SHC1: variants seen among roughly 807,000 people sequenced by gnomAD.
SHC1 encodes the protein SHC adaptor protein 1, also known as SHC-transforming protein 1.
SHC1 carries 30 observed loss-of-function variants against 55.9 expected under a neutral mutation model. The ratio of observed to expected loss-of-function variants is 0.54; its 90% CI spans 0.40 to 0.73. SHC1 has a LOEUF of 0.73. Ranked by LOEUF, SHC1 falls within the 30% of genes least tolerant of loss-of-function variation. The pLI is 0.00. For synonymous variants in SHC1, 309 were observed against 306.1 expected (o/e 1.01, Z -0.10); for missense variants, 675 against 777.1 (o/e 0.87, Z 1.56).
At chr1:154,966,606 G>A in intron 7 of SHC1, 89 bp from the exon 8 acceptor site, 1 of 880,444 alleles carries the variant, frequency 1.1e-6, no homozygotes, top group South Asian at 1.8e-5. Context: ...CATCTATTGG[G>A]TATTTACTAT....
In SHC1 at chr1:154,963,523, T is replaced by C; in HGVS notation, c.*280A>G. 5.9e-6 allele frequency: 2 copies of C among 337,842 alleles called. No homozygotes were observed. Among genetic ancestry groups the C allele is most frequent in the Non-Finnish European group, 5.6e-6 (1 of 178,220 alleles). 20.9% of individuals were successfully genotyped at this position (337,842 alleles called of 1,614,324 possible). ...TTTTCCATGACAAGCACTCACCTTC[T>C]TGGGGAAGGGGCATCAGGTTGGCAC... is the stretch of plus-strand genomic sequence containing the variant. On this transcript the variant is annotated 3_prime_UTR_variant, in exon 12 of 12. Transcript: ENST00000448116.
In SHC1 at chr1:154,968,786, C is replaced by T. The variant is rs756066298; in HGVS notation, c.615G>A (p.Ala205=). The change falls in exon 3 of 12, where the codon GCG becomes GCA. Residue 205 remains alanine, a synonymous_variant. Transcript: ENST00000448116. ...CCCCAAGTACCTTTCTCCTCCTTGTCGCCCCCTTAGCACCCGGCACAGCCT... is the reference window on the plus strand; with the variant it reads ...CCCCAAGTACCTTTCTCCTCCTTGTTGCCCCCTTAGCACCCGGCACAGCCT... ...VCEAVPGAKG[A]TRRRKPCSRP... The T allele has an allele frequency of 1.5e-5, 24 of 1,613,738 alleles. No individual in the cohort carries two copies. The highest frequency in any genetic ancestry group is 1.6e-4 in the Middle Eastern group (1 of 6,062).
intron 8 of SHC1, 36 bp from the exon 9 acceptor site, chr1:154,966,267 TA>T: frequency 6.2e-7 from 1 of 1,612,120 alleles, no homozygotes; most frequent in Non-Finnish European, 8.5e-7. Flanking sequence ...CCAGAAGCCC[TA>T]ACCAACCACT....
rs1484525566 is a variant in SHC1 at position 154,970,364 on chromosome 1, G to T, written c.163C>A (p.Pro55Thr). The change falls in exon 1 of 12, where the codon CCC becomes ACC. Residue 55 changes from proline (P) to threonine (T), a missense_variant. Transcript: ENST00000448116. This position sits in a 1 kb window ranked among gnomAD's most constrained non-coding sequence, Gnocchi z 5.5. ...GGGAAGAAGGAGCACAGGGTAGTGGGACTATCGTCCCCAGGCAGAGGAGGC... is the reference window on the plus strand; with the variant it reads ...GGGAAGAAGGAGCACAGGGTAGTGGTACTATCGTCCCCAGGCAGAGGAGGC... Reference protein sequence around the residue: ...ILPPLPGDDSPTTLCSFFPRM... With the variant: ...ILPPLPGDDSTTTLCSFFPRM... 1.2e-6 allele frequency: 2 copies of T among 1,605,524 alleles called. No homozygotes were observed. Among genetic ancestry groups the T allele is most frequent in the Non-Finnish European group, 1.7e-6 (2 of 1,176,146 alleles).
Position 154,970,413 on chromosome 1 carries a change from T to C in SHC1, c.114A>G (p.Ser38=). Residue 38 remains serine, a synonymous_variant, in exon 1 of 12, where the codon TCA becomes TCG. Transcript: ENST00000448116. This position sits in a 1 kb window ranked among gnomAD's most constrained non-coding sequence, Gnocchi z 5.5. ...STPPEELPSP[S]ASSLGPILPP... Reference sequence around the variant, plus strand: ...GCAGGATGGGCCCCAGGGATGAAGCTGATGGGGAAGGCAGCTCCTCCGGGG... The same window carrying C: ...GCAGGATGGGCCCCAGGGATGAAGCCGATGGGGAAGGCAGCTCCTCCGGGG... 3 of 1,605,604 alleles carry C rather than the reference T, an allele frequency of 1.9e-6. No homozygotes were observed. Among genetic ancestry groups the C allele is most frequent in the Non-Finnish European group, 2.6e-6 (3 of 1,176,400 alleles).
chr1:154,966,957 T>TAGTA (rs1394192180), intron 7 of SHC1, among the ~76,000 whole-genome samples: 1 of 152,076 alleles, frequency 6.6e-6, no homozygotes, highest in Non-Finnish European at 1.5e-5. Flanking sequence ...AAAATACTAC[T>TAGTA]ACTCAGCCAG....
intron 7 of SHC1, 39 bp from the exon 8 acceptor site, chr1:154,966,556 T>G (rs1392652941): frequency 2.8e-6 from 4 of 1,420,686 alleles, no homozygotes; most frequent in Non-Finnish European, 3.8e-6. Flanking sequence ...TGTAAATGTG[T>G]GGTGGGCAGG....
chr1:154,970,115 C>T lies in SHC1; in HGVS notation c.412G>A (p.Gly138Arg), dbSNP rs1656555250. The change falls in exon 1 of 12, where the codon GGG becomes AGG. Residue 138 changes from glycine (G) to arginine (R), a missense_variant. By Grantham distance (125) the Gly-to-Arg change is moderately radical (BLOSUM62 -2). Transcript: ENST00000448116. This position sits in a 1 kb window ranked among gnomAD's most constrained non-coding sequence, Gnocchi z 5.5. ...QLGGEEWTRHGSFVNKPTRGW... is the reference protein window; with the variant it reads ...QLGGEEWTRHRSFVNKPTRGW... ...CGCGTGGGCTTATTGACAAAGCTCC[C>T]GTGGCGGGTCCACTCCTCGCCCCCA... 1 of 1,613,588 alleles carries T rather than the reference C, an allele frequency of 6.2e-7. No individual in the cohort carries two copies. Among genetic ancestry groups the T allele is most frequent in the East Asian group, 2.2e-5 (1 of 44,882 alleles).
chr1:154,970,347 G>A lies in SHC1; in HGVS notation c.180C>T (p.Ser60=), dbSNP rs111554682. 5.3e-5 allele frequency: 85 copies of A among 1,606,148 alleles called. No individual in the cohort carries two copies. In the African/African-American group the frequency reaches 1.0e-3, roughly 19 times the overall value. The change falls in exon 1 of 12, where the codon TCC becomes TCT. Residue 60 remains serine (S), a synonymous_variant. Coordinates refer to ENST00000448116, the MANE Select transcript of SHC1 (RefSeq NM_001130040.2). This position sits in a 1 kb window ranked among gnomAD's most constrained non-coding sequence, Gnocchi z 5.5. The stretch of plus-strand genomic sequence containing the variant: ...TCAGGTTGCTCATCCGGGGGAAGAA[G>A]GAGCACAGGGTAGTGGGACTATCGT... The part of the protein sequence containing the change: ...PGDDSPTTLC[S]FFPRMSNLRL...
At chr1:154,970,765 G>A, upstream of SHC1, 1 of 427,810 alleles carries the variant, frequency 2.3e-6, no homozygotes, top group East Asian at 4.1e-5. This position sits in a 1 kb window ranked among gnomAD's most constrained non-coding sequence, Gnocchi z 5.5. Flanking sequence ...AAGAGAACAG[G>A]CTGGACCCAG....
In SHC1 at chr1:154,966,242, A is replaced by G; in HGVS notation, c.1183-11T>C. 1 of 1,613,860 alleles carries G rather than the reference A, an allele frequency of 6.2e-7. No individual in the cohort carries two copies. The highest frequency in any genetic ancestry group is 1.3e-5 in the African/African-American group (1 of 75,010). On this transcript the variant is annotated splice_polypyrimidine_tract_variant and intron_variant, in intron 8 of 11. Coordinates refer to ENST00000448116, the MANE Select transcript of SHC1 (RefSeq NM_001130040.2). ...AGGCTGTCCTACAGGCTGCAGGGAT[A>G]AAAATAAGGTGAGACCAGAAGCCCT...
chr1:154,968,369 C>A, intron 4 of SHC1, 112 bp from the exon 5 acceptor site: 1 of 1,543,024 alleles, frequency 6.5e-7, no homozygotes, highest in Non-Finnish European at 8.9e-7. Flanking sequence ...TATCCCATAT[C>A]CTCATTTCCT....
chr1:154,968,803 G>T lies in SHC1; in HGVS notation c.598C>A (p.Pro200Thr). The change falls in exon 3 of 12, where the codon CCG (proline) becomes ACG (threonine). Residue 200 changes from proline (P) to threonine (T), a missense_variant. Pro to Thr is a conservative substitution (Grantham distance 38). Around this residue, in one of 3 missense-constraint regions of SHC1, gnomAD observed 159 missense variants for 246.9 expected, o/e 0.64. Coordinates refer to ENST00000448116, the MANE Select transcript of SHC1 (RefSeq NM_001130040.2). ...EAISLVCEAVPGAKGATRRRK... is the reference protein window; with the variant it reads ...EAISLVCEAVTGAKGATRRRK... The stretch of plus-strand genomic sequence containing the variant: ...CTCCTTGTCGCCCCCTTAGCACCCG[G>T]CACAGCCTCACACACCAGACTGATG... 1 of 1,613,916 alleles carries T rather than the reference G, an allele frequency of 6.2e-7. No homozygotes were observed. Among genetic ancestry groups the T allele is most frequent in the Non-Finnish European group, 8.5e-7 (1 of 1,179,918 alleles).
At chr1:154,969,515 C>G (rs1656467292) in intron 1 of SHC1, 67 bp from the exon 2 acceptor site, 3 of 1,054,642 alleles carry the variant, frequency 2.8e-6, no homozygotes, top group Admixed American at 1.8e-5. Flanking sequence ...ACAAAGGGCC[C>G]TAGGACTTTA....
intron 7 of SHC1, 96 bp downstream of exon 7, chr1:154,967,575 T>TC: frequency 7.5e-7 from 1 of 1,341,532 alleles, no homozygotes; most frequent in Admixed American, 2.0e-5. Context: ...CACAGGTTAT[T>TC]CCCTCCCTGA....
Position 154,970,526 on chromosome 1 carries a change from TAG to T in SHC1, c.-2_-1del. On this transcript the variant is annotated 5_prime_UTR_variant, in exon 1 of 12. Coordinates refer to ENST00000448116, the MANE Select transcript of SHC1 (RefSeq NM_001130040.2). This position sits in a 1 kb window ranked among gnomAD's most constrained non-coding sequence, Gnocchi z 5.5. The stretch of plus-strand genomic sequence containing the variant: ...TTGGGCTTGGGGGGCAGGAGATCCA[TAG>T]TTGAGGTGAAAGAGGGGCTGCTGCC... The T allele has an allele frequency of 6.3e-7, 1 of 1,599,346 alleles. No individual in the cohort carries two copies. Among genetic ancestry groups the T allele is most frequent in the Non-Finnish European group, 8.5e-7 (1 of 1,174,314 alleles).
chr1:154,966,611 T>G, intron 7 of SHC1, 94 bp from the exon 8 acceptor site: 2 of 830,120 alleles, frequency 2.4e-6, no homozygotes, highest in Non-Finnish European at 3.8e-6. Context: ...ATTGGGTATT[T>G]ACTATGGATT....
upstream of SHC1, chr1:154,973,614 G>A (rs1021065679): frequency 6.6e-6 from 1 of 152,108 alleles, no homozygotes; most frequent in Non-Finnish European, 1.5e-5. Context: ...CTTCCCACCT[G>A]GGGGAGCACG....
At position 154,966,116 on chromosome 1, in the gene SHC1, T is replaced by C. The variant is rs776575170; in HGVS notation, c.1253-36A>G. 36 of 1,613,882 alleles carry C rather than the reference T, an allele frequency of 2.2e-5. No individual in the cohort carries two copies. In the African/African-American group the frequency reaches 4.7e-4, roughly 21 times the overall value. On this transcript the variant is annotated intron_variant, in intron 9 of 11. Coordinates refer to ENST00000448116, the MANE Select transcript of SHC1 (RefSeq NM_001130040.2). ...GGAGGCTCTACAGTGATCCCAGCCC[T>C]GCCTCCAACACTCCCCAGCTCTGCC... is the stretch of plus-strand genomic sequence containing the variant.
Sources: gnomAD v4.1 joint callset for allele counts (sites outside exome capture counted in the v4.1 genomes callset) on GRCh38, gnomAD v4.1.1 for gene constraint, gnomAD v4.1.1 regional missense constraint, Gnocchi (gnomAD v3.1) non-coding constraint, MANE v1.5 for transcripts, NCBI Gene and HGNC (gene_info 2026-07-23, HGNC 2026-07-21) for gene names.